NSMCE2: variants seen among roughly 807,000 people sequenced by gnomAD.
NSMCE2 encodes the protein NSE2 SUMO ligase component of SMC5/6 complex, also known as E3 SUMO-protein ligase NSE2.
NSMCE2 carries 24 observed loss-of-function variants against 23.8 expected under a neutral mutation model. The ratio of observed to expected loss-of-function variants is 1.01; its 90% CI spans 0.73 to 1.42. The LOEUF (loss-of-function observed/expected upper bound fraction) is 1.42, where lower values mean the gene tolerates loss of function less well. Among genes scored for constraint, NSMCE2 ranks in the 40% most tolerant of loss-of-function variants. The pLI is 0.00. For synonymous variants in NSMCE2, 92 were observed against 94.1 expected, an observed-to-expected ratio of 0.98 and a Z score of 0.13; for missense variants, 284 against 296.5, an observed-to-expected ratio of 0.96 and a Z score of 0.31.
chr8:125,357,475 G>T (rs961516675), intron 6 of NSMCE2, among the ~76,000 whole-genome samples, 156 bp downstream of exon 6: 3 of 152,210 alleles, frequency 2.0e-5, no homozygotes, highest in Admixed American at 6.5e-5. Context: ...GAGGTTCTTG[G>T]GCTGGAGAGA....
At chr8:125,177,729 A>G (rs977682409) in intron 4 of NSMCE2, among the ~76,000 whole-genome samples, 11 of 152,112 alleles carry the variant, frequency 7.2e-5, no homozygotes, top group Non-Finnish European at 7.3e-5. Flanking sequence ...ATTTTCCCCA[A>G]AGGACAAGCA....
At chr8:125,316,870 T>G (rs973904268) in intron 5 of NSMCE2, among the ~76,000 whole-genome samples, 1 of 151,672 alleles carries the variant, frequency 6.6e-6, no homozygotes, top group African/African-American at 2.4e-5. Context: ...ACTCTACCTC[T>G]CAGACTCAAG....
chr8:125,236,794 C>T (rs1279052600), intron 5 of NSMCE2, among the ~76,000 whole-genome samples: 1 of 151,940 alleles, frequency 6.6e-6, no homozygotes, highest in Non-Finnish European at 1.5e-5. Flanking sequence ...CCACTTGGTA[C>T]ACTATCTTTC....
chr8:125,246,697 C>T (rs780932782), intron 5 of NSMCE2, among the ~76,000 whole-genome samples: 9 of 152,046 alleles, frequency 5.9e-5, no homozygotes, highest in Admixed American at 2.0e-4. Context: ...TGAAACTTTG[C>T]ATTTTATTTT....
At chr8:125,216,794 A>T (rs1238300412) in intron 5 of NSMCE2, among the ~76,000 whole-genome samples, 1 of 152,332 alleles carries the variant, frequency 6.6e-6, no homozygotes, top group East Asian at 1.9e-4. Context: ...TTTTGTAGAC[A>T]TTTAAATACT....
intron 5 of NSMCE2, among the ~76,000 whole-genome samples, chr8:125,252,285 T>C (rs910182875): frequency 1.3e-5 from 2 of 152,140 alleles, no homozygotes; most frequent in African/African-American, 4.8e-5. Flanking sequence ...TCCCAGCACT[T>C]TGAGAGGCCA....
At chr8:125,170,422 G>A (rs1357070885) in intron 4 of NSMCE2, among the ~76,000 whole-genome samples, 2 of 88,098 alleles carry the variant, frequency 2.3e-5, no homozygotes, top group East Asian at 8.9e-4. Flanking sequence ...TTTTAAGACA[G>A]AGTCTCGCTC....
chr8:125,346,158 A>C (rs963367067), intron 5 of NSMCE2, among the ~76,000 whole-genome samples: 2 of 146,724 alleles, frequency 1.4e-5, no homozygotes, highest in African/African-American at 2.5e-5. Flanking sequence ...ACTCCGTCTC[A>C]AAAAAAAAAA....
intron 5 of NSMCE2, among the ~76,000 whole-genome samples, chr8:125,199,811 A>C (rs900267823): frequency 1.8e-4 from 27 of 152,140 alleles, no homozygotes; most frequent in African/African-American, 4.3e-4. Flanking sequence ...GTGGGAGTCT[A>C]AGTCTCTTTG....
intron 5 of NSMCE2, among the ~76,000 whole-genome samples, chr8:125,312,700 G>C (rs1462871215): frequency 3.3e-5 from 5 of 152,196 alleles, no homozygotes; most frequent in African/African-American, 1.2e-4. Context: ...AGCAGACTGA[G>C]GTGGTAGAAA....
chr8:125,357,887 C>A, intron 7 of NSMCE2, 69 bp downstream of exon 7: 1 of 1,074,554 alleles, frequency 9.3e-7, no homozygotes, highest in Non-Finnish European at 1.4e-6. Flanking sequence ...CGTGTTCACG[C>A]TAGAGGAAGA....
chr8:125,169,080 C>T (rs1428789131), intron 4 of NSMCE2, among the ~76,000 whole-genome samples: 1 of 152,120 alleles, frequency 6.6e-6, no homozygotes, highest in African/African-American at 2.4e-5. Context: ...CTGCTATTGA[C>T]AACTGTTCCT....
intron 5 of NSMCE2, among the ~76,000 whole-genome samples, chr8:125,350,089 C>G (rs1812970148): frequency 6.6e-6 from 1 of 152,120 alleles, no homozygotes; most frequent in Non-Finnish European, 1.5e-5. Context: ...ATGCCAGGGA[C>G]TATTTTAGAC....
intron 5 of NSMCE2, among the ~76,000 whole-genome samples, chr8:125,321,796 A>T (rs912088247): frequency 6.6e-6 from 1 of 152,228 alleles, no homozygotes; most frequent in Non-Finnish European, 1.5e-5. Flanking sequence ...AAATCAGGCC[A>T]GGCACAGTGG....
intron 5 of NSMCE2, among the ~76,000 whole-genome samples, chr8:125,275,825 C>T (rs532386673): frequency 6.6e-6 from 1 of 152,230 alleles, no homozygotes; most frequent in East Asian, 1.9e-4. Context: ...ACATAATGAG[C>T]TAGTAATTGT....
chr8:125,363,996 T>G (rs1436399618), intron 7 of NSMCE2, among the ~76,000 whole-genome samples: 2 of 152,070 alleles, frequency 1.3e-5, no homozygotes, highest in Non-Finnish European at 2.9e-5. Context: ...CAGGCTGGAG[T>G]GCAATGGTGC....
chr8:125,238,105 C>A (rs1001180474), intron 5 of NSMCE2, among the ~76,000 whole-genome samples: 1 of 152,144 alleles, frequency 6.6e-6, no homozygotes, highest in African/African-American at 2.4e-5. Flanking sequence ...ATCTCACTAT[C>A]AGCATTGATC....
At chr8:125,326,948 C>T (rs1372659003) in intron 5 of NSMCE2, among the ~76,000 whole-genome samples, 2 of 132,594 alleles carry the variant, frequency 1.5e-5, no homozygotes, top group Non-Finnish European at 3.2e-5. Flanking sequence ...ATGAGCAAAA[C>T]TCCATTTCAA....
chr8:125,135,695 A>G (rs1157573986), intron 3 of NSMCE2, among the ~76,000 whole-genome samples: 1 of 151,732 alleles, frequency 6.6e-6, no homozygotes, highest in Non-Finnish European at 1.5e-5. Context: ...TTGCCTTTGC[A>G]CTTTTGTCTG....
Sources: gnomAD v4.1 joint callset for allele counts (sites outside exome capture counted in the v4.1 genomes callset) on GRCh38, gnomAD v4.1.1 for gene constraint, MANE v1.5 for transcripts, NCBI Gene and HGNC (gene_info 2026-07-23, HGNC 2026-07-21) for gene names.